The following PDE1C variants were observed in gnomAD, a reference collection of about 807,000 sequenced individuals.
PDE1C encodes the protein dual specificity calcium/calmodulin-dependent 3',5'-cyclic nucleotide phosphodiesterase 1C.
In PDE1C, 62 loss-of-function variants were observed where a neutral mutation model predicts 93.1. That is an observed-to-expected ratio of 0.67 (90% CI 0.54 to 0.82). The LOEUF is 0.82. Ranked by LOEUF, PDE1C falls within the 40% of genes least tolerant of loss-of-function variation. The probability of loss-of-function intolerance (pLI) is 0.00; values close to 1 mark genes in which losing one functional copy is unlikely to be tolerated. For missense variants in PDE1C, 742 were observed against 884.6 expected (o/e 0.84, Z 2.04); for synonymous variants, 325 against 310.1 (o/e 1.05, Z -0.50).
At chr7:32,253,091 G>A (rs1809508356) in intron 1 of PDE1C, among the ~76,000 whole-genome samples, 1 of 152,116 alleles carries the variant, frequency 6.6e-6, no homozygotes, top group African/African-American at 2.4e-5. Flanking sequence ...GGGTGGGAGG[G>A]GCAATTGGGG....
the PDE1C span, chr7:31,692,411 G>T: frequency 6.5e-7 from 1 of 1,532,996 alleles, no homozygotes; most frequent in Non-Finnish European, 9.0e-7. Flanking sequence ...CTTAGTGCTG[G>T]AGAAGAAATA....
At chr7:32,194,013 C>A (rs975114034) in intron 2 of PDE1C, among the ~76,000 whole-genome samples, 3 of 147,372 alleles carry the variant, frequency 2.0e-5, no homozygotes, top group Non-Finnish European at 4.5e-5. Context: ...CTCCCAGGTT[C>A]ACGCCATACT....
chr7:32,087,517 C>T (rs1386741684), intron 3 of PDE1C, among the ~76,000 whole-genome samples: 1 of 151,962 alleles, frequency 6.6e-6, no homozygotes, highest in Non-Finnish European at 1.5e-5. Context: ...ACCCAAAGGA[C>T]TATAAATCAT....
downstream of PDE1C, chr7:31,751,086 T>C (rs957360719): frequency 6.6e-6 from 1 of 152,212 alleles, no homozygotes; most frequent in African/African-American, 2.4e-5. Context: ...ACTATTCACC[T>C]TGACAAGATG....
chr7:32,371,000 CA>C (rs548885265), intron 1 of PDE1C, among the ~76,000 whole-genome samples: 1,375 of 133,302 alleles, frequency 0.01, 10 homozygotes, highest in African/African-American at 0.022. Flanking sequence ...ATATGGAAGT[CA>C]AAAAAAAAAA....
chr7:32,010,377 G>T (rs993694036), intron 2 of PDE1C, among the ~76,000 whole-genome samples: 2 of 152,140 alleles, frequency 1.3e-5, no homozygotes, highest in African/African-American at 4.8e-5. Context: ...AGGTAAAATA[G>T]CAATTCAATG....
chr7:31,798,476 T>C (rs956768375), intron 16 of PDE1C, among the ~76,000 whole-genome samples: 4 of 151,874 alleles, frequency 2.6e-5, no homozygotes, highest in East Asian at 1.9e-4. Context: ...AAAAGTCCTA[T>C]GTCAAGAATT....
At chr7:31,781,527 T>TG (rs1206520917) in intron 16 of PDE1C, among the ~76,000 whole-genome samples, 1 of 152,198 alleles carries the variant, frequency 6.6e-6, no homozygotes, top group Non-Finnish European at 1.5e-5. Context: ...CTTCTTTGTG[T>TG]TCCATTTGGG....
the PDE1C span, among the ~76,000 whole-genome samples, chr7:31,726,145 T>C: frequency 2.6e-5 from 4 of 152,226 alleles, no homozygotes; most frequent in Non-Finnish European, 4.4e-5. Context: ...CATAGCTGAC[T>C]GTAGCCTCAA....
At chr7:31,670,183 T>C in the PDE1C span, among the ~76,000 whole-genome samples, 5 of 152,332 alleles carry the variant, frequency 3.3e-5, no homozygotes, top group South Asian at 1.0e-3. Flanking sequence ...GTATTGCAGA[T>C]TTTTTGTTTG....
At chr7:31,710,260 C>A in the PDE1C span, among the ~76,000 whole-genome samples, 2 of 152,130 alleles carry the variant, frequency 1.3e-5, no homozygotes, top group Admixed American at 1.3e-4. Flanking sequence ...AAGCAGTTGG[C>A]CATTTGTTCA....
chr7:32,142,605 C>T (rs73102601), intron 3 of PDE1C, among the ~76,000 whole-genome samples: 30,795 of 152,054 alleles, frequency 0.2, 3,771 homozygotes, highest in Middle Eastern at 0.29. Context: ...AGATAACATG[C>T]ACCACTTCCC....
intron 1 of PDE1C, among the ~76,000 whole-genome samples, chr7:32,238,720 T>C (rs1039054210): frequency 6.6e-6 from 1 of 152,180 alleles, no homozygotes; most frequent in African/African-American, 2.4e-5. Context: ...TGGAATGAAA[T>C]AGAGTTCTAA....
At chr7:31,916,739 A>G (rs977793028) in intron 2 of PDE1C, among the ~76,000 whole-genome samples, 1 of 152,188 alleles carries the variant, frequency 6.6e-6, no homozygotes, top group African/African-American at 2.4e-5. Flanking sequence ...TGGGAGAGCT[A>G]GACAAAACAA....
chr7:32,063,665 C>T (rs1337323878), intron 1 of PDE1C, among the ~76,000 whole-genome samples: 1 of 152,152 alleles, frequency 6.6e-6, no homozygotes, highest in African/African-American at 2.4e-5. Context: ...TTTTGATATT[C>T]ACATTTTTCC....
At chr7:32,390,512 C>A in intron 1 of PDE1C, among the ~76,000 whole-genome samples, 1 of 135,916 alleles carries the variant, frequency 7.4e-6, no homozygotes, top group Admixed American at 8.0e-5. Context: ...AGTGCAAAGG[C>A]AGAAGAATCC....
intron 1 of PDE1C, among the ~76,000 whole-genome samples, chr7:32,321,244 G>C (rs1390828116): frequency 1.3e-5 from 2 of 152,172 alleles, no homozygotes; most frequent in Admixed American, 6.5e-5. Context: ...CAATCACAGA[G>C]CAGAGCCTGC....
intron 1 of PDE1C, among the ~76,000 whole-genome samples, chr7:32,348,255 C>A (rs1055161191): frequency 3.3e-5 from 5 of 151,414 alleles, no homozygotes; most frequent in African/African-American, 1.2e-4. Context: ...GAGACTGGAC[C>A]AATACCTGGC....
chr7:31,922,042 T>C (rs1361500594), intron 2 of PDE1C, among the ~76,000 whole-genome samples: 1 of 152,146 alleles, frequency 6.6e-6, no homozygotes, highest in East Asian at 1.9e-4. Flanking sequence ...AGAGATAAAA[T>C]CCGAAACCTG....
Sources: allele counts gnomAD v4.1 joint callset (sites outside exome capture counted in the v4.1 genomes callset), GRCh38; gene constraint gnomAD v4.1.1; transcripts MANE v1.5; gene names NCBI Gene and HGNC (gene_info 2026-07-23, HGNC 2026-07-21).